Variants in TG observed in about 807,000 individuals in gnomAD.
TG encodes the protein thyroglobulin.
A neutral mutation model predicts 324.7 loss-of-function variants in TG; 270 were observed. That is an observed-to-expected ratio of 0.83 (90% CI 0.75 to 0.92). The LOEUF (loss-of-function observed/expected upper bound fraction) is 0.92. Among genes scored for constraint, TG ranks in the 40% least tolerant of loss-of-function variants. The pLI is 0.00. For missense variants in TG, 3,591 were observed against 3,456.4 expected (o/e 1.04, Z -0.98); for synonymous variants, 1,401 against 1,327.0 (o/e 1.06, Z -1.21).
At chr8:132,925,031 A>G (rs1821639340) in intron 22 of TG, among the ~76,000 whole-genome samples, 1 of 152,106 alleles carries the variant, frequency 6.6e-6, no homozygotes, top group Non-Finnish European at 1.5e-5. Context: ...TGCACATTTG[A>G]CAAGCCCAAG....
intron 41 of TG, among the ~76,000 whole-genome samples, chr8:133,042,487 C>CT (rs374689902): frequency 7.4e-5 from 11 of 148,548 alleles, no homozygotes; most frequent in South Asian, 2.1e-4. Flanking sequence ...TCACATGCAT[C>CT]TTTTTTTTTT....
intron 41 of TG, among the ~76,000 whole-genome samples, chr8:133,075,583 G>A (rs956844415): frequency 6.6e-6 from 1 of 152,222 alleles, no homozygotes; most frequent in Non-Finnish European, 1.5e-5. Flanking sequence ...AGAACGTCTA[G>A]TTCTTAGGGG....
intron 45 of TG, among the ~76,000 whole-genome samples, chr8:133,126,799 A>C (rs1246382113): frequency 6.6e-6 from 1 of 152,064 alleles, no homozygotes; most frequent in African/African-American, 2.4e-5. Flanking sequence ...TTCTAAAAAA[A>C]AAAACAAAAA....
intron 15 of TG, 63 bp from the exon 16 acceptor site, chr8:132,901,290 T>C: frequency 6.3e-7 from 1 of 1,596,626 alleles, no homozygotes; most frequent in East Asian, 2.2e-5. Flanking sequence ...AGGAGGGTGA[T>C]TGGGCATCTG....
At chr8:133,035,113 C>T (rs1055851045) in intron 41 of TG, among the ~76,000 whole-genome samples, 2 of 152,154 alleles carry the variant, frequency 1.3e-5, no homozygotes, top group Non-Finnish European at 2.9e-5. Context: ...CCTTTAGCTT[C>T]TTAAGTTGAA....
chr8:133,095,338 G>T (rs1848243997), intron 42 of TG, 130 bp downstream of exon 42: 2 of 1,274,278 alleles, frequency 1.6e-6, no homozygotes. Flanking sequence ...ACTGGAGCTG[G>T]AACTCACATT....
intron 41 of TG, chr8:133,051,049 A>G (rs1297289545): frequency 1.1e-5 from 7 of 624,530 alleles, no homozygotes; most frequent in South Asian, 1.9e-5. Flanking sequence ...TGAACCACCA[A>G]TTTACAGCAA....
At chr8:133,022,649 C>CTG (rs1254991863) in intron 40 of TG, among the ~76,000 whole-genome samples, 1 of 152,142 alleles carries the variant, frequency 6.6e-6, no homozygotes, top group Non-Finnish European at 1.5e-5. Context: ...GAACAATGGC[C>CTG]TGTCCCTCAT....
chr8:132,892,250 A>G (rs1056989562), intron 10 of TG, among the ~76,000 whole-genome samples: 1 of 152,122 alleles, frequency 6.6e-6, no homozygotes, highest in Non-Finnish European at 1.5e-5. Flanking sequence ...CCATGCATCC[A>G]TCCATCCATC....
At chr8:133,048,275 C>T (rs1839833844) in intron 41 of TG, among the ~76,000 whole-genome samples, 1 of 152,066 alleles carries the variant, frequency 6.6e-6, no homozygotes, top group Admixed American at 6.6e-5. Flanking sequence ...GACTAGAGAA[C>T]AGTGGCGTGA....
intron 43 of TG, among the ~76,000 whole-genome samples, chr8:133,104,936 G>A (rs890135145): frequency 1.3e-5 from 2 of 152,196 alleles, no homozygotes; most frequent in African/African-American, 4.8e-5. Context: ...GACAGGAATT[G>A]TGTCATGTCC....
intron 23 of TG, among the ~76,000 whole-genome samples, chr8:132,932,188 G>A (rs1365225502): frequency 1.3e-5 from 2 of 152,068 alleles, no homozygotes; most frequent in African/African-American, 4.8e-5. Flanking sequence ...ACCTCTCAGT[G>A]CCTAGTTCAT....
In TG at chr8:132,887,252, AG is replaced by A. The variant is rs775857812; in HGVS notation, c.1882del (p.Asp628MetfsTer12). On this transcript the variant is annotated frameshift_variant, in exon 9 of 48. Transcript: ENST00000220616. LOFTEE classifies it high-confidence loss of function. ...TCATGCACGACAGAAGGAAGCTATG[AG>A]GATGTCCAATGCTTTTCCGGAGAGT... ...VPSCTTEGSY[E>X]DVQCFSGECW... The A allele has an allele frequency of 6.2e-7, 1 of 1,603,952 alleles. No individual in the cohort carries two copies. The highest frequency in any genetic ancestry group is 8.5e-7 in the Non-Finnish European group (1 of 1,174,070).
At chr8:132,995,954 C>G (rs1212375768) in intron 35 of TG, among the ~76,000 whole-genome samples, 2 of 152,150 alleles carry the variant, frequency 1.3e-5, no homozygotes, top group Non-Finnish European at 2.9e-5. Context: ...TTACAGACGT[C>G]TTTGGAAACT....
At chr8:133,116,945 A>G (rs991595272) in intron 45 of TG, among the ~76,000 whole-genome samples, 3 of 152,152 alleles carry the variant, frequency 2.0e-5, no homozygotes, top group African/African-American at 7.2e-5. Flanking sequence ...TAGAACTGCA[A>G]TGTTAGTTAT....
chr8:132,872,696 A>G (rs1839608207), intron 4 of TG, among the ~76,000 whole-genome samples: 1 of 152,128 alleles, frequency 6.6e-6, no homozygotes, highest in South Asian at 2.1e-4. Context: ...TACCCCATAC[A>G]GGTGTACTAT....
In TG at chr8:133,006,837, G is replaced by C. The variant is rs141768869; in HGVS notation, c.6263-5064G>C. On this transcript the variant is annotated intron_variant, in intron 35 of 47. Transcript: ENST00000220616. Reference sequence around the variant, plus strand: ...ATGAGATGTTAATTTTTTAGTTATAGGTTTTTTGAATCACGATTTCAGTTT... The same window carrying C: ...ATGAGATGTTAATTTTTTAGTTATACGTTTTTTGAATCACGATTTCAGTTT... Among the ~76,000 whole-genome samples the C allele has an allele frequency of 2.3e-3, 345 of 152,330 alleles. 4 individuals carry two copies. The highest frequency in any genetic ancestry group is 7.9e-3 in the African/African-American group (329 of 41,570).
Position 132,894,969 on chromosome 8 carries a change from C to A in TG, c.3001+1040C>A, listed in dbSNP as rs1401342027. Among the ~76,000 whole-genome samples, 3 of 152,214 alleles carry A rather than the reference C, an allele frequency of 2.0e-5. No homozygotes were observed. The East Asian group carries it at 5.8e-4, about 29-fold the overall frequency. ...ATAACCAGTGGGCCTGGATGGGAAGCCCAGAGACCTGGTCCTCCAGTTCAT... is the reference window on the plus strand; with the variant it reads ...ATAACCAGTGGGCCTGGATGGGAAGACCAGAGACCTGGTCCTCCAGTTCAT... On this transcript the variant is annotated intron_variant, in intron 11 of 47. Coordinates refer to ENST00000220616, the MANE Select transcript of TG (RefSeq NM_003235.5).
chr8:132,951,787 G>A (rs900768085), intron 27 of TG, among the ~76,000 whole-genome samples: 11 of 152,222 alleles, frequency 7.2e-5, no homozygotes, highest in African/African-American at 2.7e-4. Flanking sequence ...TTCAAAATAA[G>A]AGGTCAGTCT....
Sources: allele counts gnomAD v4.1 joint callset (sites outside exome capture counted in the v4.1 genomes callset), GRCh38; gene constraint gnomAD v4.1.1; transcripts MANE v1.5; gene names NCBI Gene and HGNC (gene_info 2026-07-23, HGNC 2026-07-21).